HTR3B: variants seen among roughly 807,000 people sequenced by gnomAD.
HTR3B encodes 5-hydroxytryptamine (serotonin) receptor 3B, ionotropic.
A neutral mutation model predicts 42.8 loss-of-function variants in HTR3B; 44 were observed. The ratio of observed to expected loss-of-function variants is 1.03; its 90% CI spans 0.81 to 1.32. The LOEUF (loss-of-function observed/expected upper bound fraction) is 1.32, where lower values mean the gene tolerates loss of function less well. Ranked by LOEUF, HTR3B falls within the 40% of genes most tolerant of loss-of-function variation. The pLI is 0.00. For synonymous variants in HTR3B, 203 were observed against 209.0 expected (o/e 0.97, Z 0.25); for missense variants, 527 against 536.5 (o/e 0.98, Z 0.17).
chr11:113,934,224 TA>T (rs1950066586), intron 6 of HTR3B, among the ~76,000 whole-genome samples: 3 of 152,058 alleles, frequency 2.0e-5, no homozygotes, highest in African/African-American at 7.2e-5. Context: ...CCATCTTTAC[TA>T]AAAATACAAA....
In HTR3B at chr11:113,913,818, A is replaced by G. The variant is rs1476253172; in HGVS notation, c.213+4363A>G. 3.9e-5 allele frequency among the ~76,000 whole-genome samples: 6 copies of G among 152,196 alleles called. No homozygotes were observed. In the East Asian group the frequency reaches 9.7e-4, roughly 25 times the overall value. On this transcript the variant is annotated intron_variant, in intron 2 of 8. Transcript: ENST00000260191. Reference sequence around the variant, plus strand: ...AGTGAGCCACCACGCCCGGCCTCCAAAATTTCATCTGCAAATTCATATGTT... The same window carrying G: ...AGTGAGCCACCACGCCCGGCCTCCAGAATTTCATCTGCAAATTCATATGTT...
chr11:113,942,910 G>A, intron 6 of HTR3B, 72 bp from the exon 7 acceptor site: 1 of 1,302,744 alleles, frequency 7.7e-7, no homozygotes, highest in East Asian at 2.4e-5. Context: ...AGAATTCCTG[G>A]CTATGAATTT....
chr11:113,939,306 G>A (rs528925011), intron 6 of HTR3B, among the ~76,000 whole-genome samples: 2 of 152,284 alleles, frequency 1.3e-5, no homozygotes, highest in East Asian at 1.9e-4. Flanking sequence ...CATCCAGTGA[G>A]GACTATCCTT....
At chr11:113,942,009 C>T (rs955228879) in intron 6 of HTR3B, among the ~76,000 whole-genome samples, 2 of 152,104 alleles carry the variant, frequency 1.3e-5, no homozygotes, top group Non-Finnish European at 2.9e-5. Context: ...GTTTTCCTGC[C>T]CGGAATGATA....
intron 6 of HTR3B, 89 bp from the exon 7 acceptor site, chr11:113,942,893 T>C: frequency 1.9e-6 from 2 of 1,080,260 alleles, no homozygotes; most frequent in East Asian, 4.9e-5. Context: ...ACGTTGGGTC[T>C]TCGGGGAGAA....
intron 2 of HTR3B, among the ~76,000 whole-genome samples, chr11:113,917,721 C>T (rs117260355): frequency 0.064 from 9,798 of 152,126 alleles, 365 homozygotes; most frequent in African/African-American, 0.084. Flanking sequence ...TCTCCTGCCT[C>T]ACCCTCCTGA....
Position 113,947,992 on chromosome 11 carries a change from C to T in HTR3B, c.*1855C>T, listed in dbSNP as rs1260828123. Reference sequence around the variant, plus strand: ...AAAAATCTGCCCCCCTCCATCCCCCCAAAGAAAAAGAATTTAAATTCAAAC... The same window carrying T: ...AAAAATCTGCCCCCCTCCATCCCCCTAAAGAAAAAGAATTTAAATTCAAAC... On this transcript the variant is annotated 3_prime_UTR_variant, in exon 9 of 9. Coordinates refer to ENST00000260191, the MANE Select transcript of HTR3B (RefSeq NM_006028.5). Among the ~76,000 whole-genome samples, 4 of 151,988 alleles carry T rather than the reference C, an allele frequency of 2.6e-5. No homozygotes were observed.
At chr11:113,922,924 A>G (rs1275220186) in intron 2 of HTR3B, among the ~76,000 whole-genome samples, 1 of 152,242 alleles carries the variant, frequency 6.6e-6, no homozygotes, top group East Asian at 1.9e-4. Context: ...AGTGTATGCT[A>G]CTTGAGGGAA....
chr11:113,923,659 CT>C (rs1949937884), intron 2 of HTR3B, among the ~76,000 whole-genome samples: 2 of 152,090 alleles, frequency 1.3e-5, no homozygotes, highest in Non-Finnish European at 2.9e-5. Flanking sequence ...AATTCCAATT[CT>C]CTGAAATATC....
chr11:113,916,255 A>G (rs1403691390), intron 2 of HTR3B, among the ~76,000 whole-genome samples: 4 of 152,186 alleles, frequency 2.6e-5, no homozygotes, highest in South Asian at 4.1e-4. Context: ...TTATTTGCCA[A>G]TTGCCAACTG....
At position 113,946,856 on chromosome 11, in the gene HTR3B, T is replaced by C. The variant is rs1026641964; in HGVS notation, c.*719T>C. Reference sequence around the variant, plus strand: ...AGTCACCCATTCAACAAAACCTTTATTGAGTATTAAGTCCTAGGCATTATG... The same window carrying C: ...AGTCACCCATTCAACAAAACCTTTACTGAGTATTAAGTCCTAGGCATTATG... On this transcript the variant is annotated 3_prime_UTR_variant, in exon 9 of 9. Coordinates refer to ENST00000260191, the MANE Select transcript of HTR3B (RefSeq NM_006028.5). 6.6e-6 allele frequency among the ~76,000 whole-genome samples: 1 copy of C among 152,192 alleles called. No individual in the cohort carries two copies. The highest frequency in any genetic ancestry group is 1.9e-4 in the East Asian group (1 of 5,186).
At chr11:113,904,121 T>A (rs1434813351), upstream of HTR3B, among the ~76,000 whole-genome samples, 1 of 152,192 alleles carries the variant, frequency 6.6e-6, no homozygotes, top group Admixed American at 6.5e-5. Flanking sequence ...TGGAAAATAG[T>A]GTTATTGTAT....
At chr11:113,909,242 A>C (rs758948425) in intron 1 of HTR3B, 53 bp from the exon 2 acceptor site, 1 of 1,478,044 alleles carries the variant, frequency 6.8e-7, no homozygotes, top group Non-Finnish European at 9.4e-7. Context: ...AAACCTCCTA[A>C]AGAAACCAAG....
chr11:113,926,468 T>TTTCC lies in HTR3B; in HGVS notation c.214-4914_214-4913insCCTT, dbSNP rs1949973855. Among the ~76,000 whole-genome samples the TTTCC allele has an allele frequency of 2.2e-3, 173 of 80,356 alleles. 2 individuals carry two copies. Among genetic ancestry groups the TTTCC allele is most frequent in the African/African-American group, 6.2e-3 (120 of 19,272 alleles). 52.7% of individuals were successfully genotyped at this position (80,356 alleles called of 152,430 possible). On this transcript the variant is annotated intron_variant, in intron 2 of 8. Transcript: ENST00000260191. Reference sequence around the variant, plus strand: ...ACTGCTTTTCCTTTCCTTTCCTTTCTTTTCCTTTCCTTTCCTTTCCTTTCC... The same window carrying TTTCC: ...ACTGCTTTTCCTTTCCTTTCCTTTCTTTCCTTTCCTTTCCTTTCCTTTCCTTTCC...
intron 6 of HTR3B, among the ~76,000 whole-genome samples, chr11:113,934,742 G>A (rs1016118434): frequency 2.1e-5 from 3 of 140,146 alleles, no homozygotes; most frequent in African/African-American, 8.1e-5. Flanking sequence ...AAGGAAAAGG[G>A]AAGGAAAGCA....
intron 2 of HTR3B, among the ~76,000 whole-genome samples, chr11:113,925,341 T>C (rs1446527975): frequency 1.3e-5 from 2 of 152,008 alleles, no homozygotes; most frequent in Admixed American, 6.6e-5. Flanking sequence ...TACTAAATAT[T>C]ACAGAAATAC....
chr11:113,936,367 C>T (rs1189697073), intron 6 of HTR3B, among the ~76,000 whole-genome samples: 1 of 152,076 alleles, frequency 6.6e-6, no homozygotes, highest in African/African-American at 2.4e-5. Context: ...GGGGTGCGCA[C>T]AGGGTGTCCT....
chr11:113,936,820 C>T (rs999797084), intron 6 of HTR3B, among the ~76,000 whole-genome samples: 5 of 152,130 alleles, frequency 3.3e-5, no homozygotes, highest in African/African-American at 9.7e-5. Flanking sequence ...GTCATAAAGA[C>T]GGTCATGCAA....
chr11:113,927,869 T>C (rs1949991866), intron 2 of HTR3B, among the ~76,000 whole-genome samples: 1 of 152,158 alleles, frequency 6.6e-6, no homozygotes, highest in Middle Eastern at 3.2e-3. Context: ...CTGTTTTCTC[T>C]TTTTTGTAAA....
Sources: allele counts gnomAD v4.1 joint callset (sites outside exome capture counted in the v4.1 genomes callset), GRCh38; gene constraint gnomAD v4.1.1; transcripts MANE v1.5; gene names NCBI Gene and HGNC (gene_info 2026-07-23, HGNC 2026-07-21).